Variants in ACAP3 observed in about 807,000 individuals in gnomAD.
ACAP3 encodes the protein ArfGAP with coiled-coil, ankyrin repeat and PH domains 3.
A neutral mutation model predicts 104.1 loss-of-function variants in ACAP3; 56 were observed. The observed-to-expected ratio is 0.54, with a 90% confidence interval of 0.43 to 0.67. ACAP3 has a LOEUF of 0.67. Ranked by LOEUF, ACAP3 falls within the 30% of genes least tolerant of loss-of-function variation. ACAP3 has a pLI of 0.00. For synonymous variants in ACAP3, 628 were observed against 496.2 expected (o/e 1.27, Z -3.53); for missense variants, 1,208 against 1,174.9 (o/e 1.03, Z -0.41).
chr1:1,293,488 C>A lies in ACAP3; in HGVS notation c.*76G>T. The A allele has an allele frequency of 1.5e-6, 2 of 1,323,576 alleles. No individual in the cohort carries two copies. The highest frequency in any genetic ancestry group is 3.5e-5 in the South Asian group (2 of 57,966). The allele number at this position is 1,323,576 out of a possible 1,614,324, so 82.0% of individuals were successfully genotyped here. On this transcript the variant is annotated 3_prime_UTR_variant, in exon 24 of 24. Transcript: ENST00000354700. Reference sequence around the variant, plus strand: ...CGCGGGTCACACGCAGGGCCGCGGCCGGGTGGGCGCCAGGGACTTCGGGGC... The same window carrying A: ...CGCGGGTCACACGCAGGGCCGCGGCAGGGTGGGCGCCAGGGACTTCGGGGC...
intron 14 of ACAP3, 65 bp from the exon 15 acceptor site, chr1:1,296,698 C>T: frequency 2.0e-6 from 3 of 1,486,356 alleles, no homozygotes; most frequent in South Asian, 1.2e-5. Flanking sequence ...CAGCAGGCCC[C>T]CTCCTCCCCA....
At position 1,298,084 on chromosome 1, in the gene ACAP3, G is replaced by C; in HGVS notation, c.945C>G (p.Leu315=). ...CACACGGCTTCACAGAGCACAGGCG[G>C]AGGTCATCCACCACCACGGTGAGGG... ...KDALTVVVDD[L]RLCSVKPCED... The change falls in exon 13 of 24, where the codon CTC becomes CTG. Residue 315 remains leucine, a synonymous_variant. Transcript: ENST00000354700. 1 of 1,609,600 alleles carries C rather than the reference G, an allele frequency of 6.2e-7. No homozygotes were observed. Among genetic ancestry groups the C allele is most frequent in the Non-Finnish European group, 8.5e-7 (1 of 1,178,550 alleles).
intron 19 of ACAP3, chr1:1,295,068 GC>G: frequency 1.8e-6 from 1 of 561,362 alleles, no homozygotes; most frequent in Admixed American, 3.3e-5. Context: ...CCCGCTCGCC[GC>G]CTTACCCGGC....
chr1:1,298,536 A>T (rs754608701), intron 11 of ACAP3, 31 bp downstream of exon 11: 2 of 712,498 alleles, frequency 2.8e-6, no homozygotes, highest in South Asian at 3.0e-5. Context: ...CCGCCTAAGG[A>T]CCCCGCCCCC....
chr1:1,301,935 A>G, intron 5 of ACAP3, 53 bp downstream of exon 5: 1 of 1,470,758 alleles, frequency 6.8e-7, no homozygotes, highest in Non-Finnish European at 9.1e-7. Flanking sequence ...CTTCCCCTCC[A>G]AGGGAGGGAG....
At chr1:1,296,383 C>G (rs1352207233) in intron 15 of ACAP3, 42 bp downstream of exon 15, 1 of 1,531,794 alleles carries the variant, frequency 6.5e-7, no homozygotes, top group African/African-American at 1.6e-5. Context: ...TGTGGATGCT[C>G]CAGCCCAACC....
rs1012269538 is a variant in ACAP3 at position 1,293,256 on chromosome 1, A to G, written c.*308T>C. ...AGGGACACAGGTGACACGGGCCTTA[A>G]AAGTGGCTTGTGACATGAGCAACCC... On this transcript the variant is annotated 3_prime_UTR_variant, in exon 24 of 24. Coordinates refer to ENST00000354700, the MANE Select transcript of ACAP3 (RefSeq NM_030649.3). 4.8e-6 allele frequency: 1 copy of G among 208,504 alleles called. No homozygotes were observed. Among genetic ancestry groups the G allele is most frequent in the South Asian group, 1.6e-4 (1 of 6,334 alleles). 12.9% of individuals were successfully genotyped at this position (208,504 alleles called of 1,614,324 possible).
At chr1:1,295,697 G>C (rs1641102501) in intron 18 of ACAP3, 39 bp downstream of exon 18, 1 of 1,572,388 alleles carries the variant, frequency 6.4e-7, no homozygotes, top group South Asian at 1.1e-5. Flanking sequence ...CCCGACCAAG[G>C]CAAGCCCCTC....
rs370773620 is a variant in ACAP3, at chr1:1,304,212, G to A, written c.48-69C>T. ...CCCCCTCGGGGCTTCACCTCCCCCC[G>A]CACCTCCCTGAGGGGCTCCACCATG... On this transcript the variant is annotated intron_variant, in intron 1 of 23. Coordinates refer to ENST00000354700, the MANE Select transcript of ACAP3 (RefSeq NM_030649.3). The A allele has an allele frequency of 2.9e-3, 4,353 of 1,522,966 alleles. 19 individuals carry two copies. Among genetic ancestry groups the A allele is most frequent in the Non-Finnish European group, 3.4e-3 (3,768 of 1,123,938 alleles). 94.3% of individuals were successfully genotyped at this position (1,522,966 alleles called of 1,614,324 possible). A position where few individuals can be genotyped will look rare whatever the true frequency, so the allele number is the denominator to read the frequency against.
chr1:1,298,428 G>C lies in ACAP3; in HGVS notation c.864-7C>G. Reference sequence around the variant, plus strand: ...CTGAATGGAGAACCAGCGCCTAGGTGGGTGGGGGGATGTGGGGAGTCAGGC... The same window carrying C: ...CTGAATGGAGAACCAGCGCCTAGGTCGGTGGGGGGATGTGGGGAGTCAGGC... On this transcript the variant is annotated splice_region_variant and splice_polypyrimidine_tract_variant and intron_variant, in intron 11 of 23. Coordinates refer to ENST00000354700, the MANE Select transcript of ACAP3 (RefSeq NM_030649.3). The C allele has an allele frequency of 6.2e-7, 1 of 1,600,198 alleles. No individual in the cohort carries two copies. Among genetic ancestry groups the C allele is most frequent in the Middle Eastern group, 1.7e-4 (1 of 5,992 alleles).
Position 1,294,632 on chromosome 1 carries a change from T to C in ACAP3, c.1913-4A>G. On this transcript the variant is annotated splice_region_variant and splice_polypyrimidine_tract_variant and intron_variant, in intron 20 of 23. Transcript: ENST00000354700. The stretch of plus-strand genomic sequence containing the variant: ...GACTCCTCCGACTCTGCACCCTCTG[T>C]GGGGAGGGGGCGGTCAGGGAAAGCA... The C allele has an allele frequency of 6.5e-7, 1 of 1,530,032 alleles. No individual in the cohort carries two copies. Among genetic ancestry groups the C allele is most frequent in the Non-Finnish European group, 8.8e-7 (1 of 1,136,568 alleles). The allele number at this position is 1,530,032 out of a possible 1,614,324, so 94.8% of individuals were successfully genotyped here.
In ACAP3 at chr1:1,293,634, C is replaced by T. The variant is rs1330093169; in HGVS notation, c.2435G>A (p.Gly812Asp). 2 of 1,487,114 alleles carry T rather than the reference C, an allele frequency of 1.3e-6. No individual in the cohort carries two copies. Among genetic ancestry groups the T allele is most frequent in the East Asian group, 2.8e-5 (1 of 35,590 alleles). The allele number at this position is 1,487,114 out of a possible 1,614,324, so 92.1% of individuals were successfully genotyped here. The part of the protein sequence containing the change: ...AAPGPPGALA[G>D]SPTELQFRRC... ...GCGGAACTGGAGCTCCGTGGGGCTG[C>T]CCGCCAGGGCGCCCGGGGGACCAGG... The change falls in exon 24 of 24, where the codon GGC becomes GAC. Residue 812 changes from glycine (G) to aspartate (D), a missense_variant. Transcript: ENST00000354700.
At chr1:1,301,206 G>T (rs1641427324) in intron 5 of ACAP3, among the ~76,000 whole-genome samples, 1 of 151,550 alleles carries the variant, frequency 6.6e-6, no homozygotes, top group Non-Finnish European at 1.5e-5. Context: ...AAGTAGCTGA[G>T]GCTACAGGTG....
chr1:1,294,209 C>A lies in ACAP3; in HGVS notation c.2140-10G>T. The A allele has an allele frequency of 1.3e-6, 2 of 1,573,186 alleles. No homozygotes were observed. The highest frequency in any genetic ancestry group is 4.6e-5 in the East Asian group (2 of 43,108). ...AGACGATCAAGGAGCCCTGGGGAGC[C>A]GGGGCAACTCAGACGGAGCCACGGC... is the stretch of plus-strand genomic sequence containing the variant. On this transcript the variant is annotated splice_polypyrimidine_tract_variant and intron_variant, in intron 21 of 23. Transcript: ENST00000354700.
Position 1,293,527 on chromosome 1 carries a change from G to A in ACAP3, c.*37C>T, listed in dbSNP as rs1640934892. ...GGACTTCGGGGCATGCGGGGCGTCG[G>A]GCCGGGCGGGGTGGCAGCTGCCCGG... is the stretch of plus-strand genomic sequence containing the variant. On this transcript the variant is annotated 3_prime_UTR_variant, in exon 24 of 24. Coordinates refer to ENST00000354700, the MANE Select transcript of ACAP3 (RefSeq NM_030649.3). 8 of 1,419,366 alleles carry A rather than the reference G, an allele frequency of 5.6e-6. No homozygotes were observed. The highest frequency in any genetic ancestry group is 7.3e-6 in the Non-Finnish European group (8 of 1,095,952). 87.9% of individuals were successfully genotyped at this position (1,419,366 alleles called of 1,614,324 possible). A position where few individuals can be genotyped will look rare whatever the true frequency, so the allele number is the denominator to read the frequency against.
chr1:1,299,379 G>A (rs767159237), intron 9 of ACAP3, 23 bp from the exon 10 acceptor site: 12 of 1,538,332 alleles, frequency 7.8e-6, no homozygotes, highest in South Asian at 6.1e-5. Flanking sequence ...AGCAGGAGGG[G>A]GTAGGGGGAG....
intron 1 of ACAP3, chr1:1,307,337 C>T (rs1343976545): frequency 7.8e-7 from 1 of 1,289,606 alleles, no homozygotes; most frequent in African/African-American, 1.5e-5. Flanking sequence ...AGCACCCTAC[C>T]CCAGGCCTTA....
chr1:1,299,052 A>C, intron 10 of ACAP3: 1 of 566,940 alleles, frequency 1.8e-6, no homozygotes, highest in African/African-American at 1.9e-5. Context: ...GAGGCCTGGG[A>C]GTCACTGAGG....
Position 1,299,336 on chromosome 1 carries a change from C to T in ACAP3, c.750+9G>A. The T allele has an allele frequency of 6.3e-6, 10 of 1,592,172 alleles. No individual in the cohort carries two copies. Among genetic ancestry groups the T allele is most frequent in the Non-Finnish European group, 8.5e-6 (10 of 1,169,664 alleles). ...ACCCACAGCCCGCCCAGGGCCCGTG[C>T]TCACTTACCTGCAGCAGCGTCTGGA... On this transcript the variant is annotated intron_variant, in intron 10 of 23. Transcript: ENST00000354700.
Sources: gnomAD v4.1 joint callset for allele counts (sites outside exome capture counted in the v4.1 genomes callset) on GRCh38, gnomAD v4.1.1 for gene constraint, MANE v1.5 for transcripts, NCBI Gene and HGNC (gene_info 2026-07-23, HGNC 2026-07-21) for gene names.